PHRF1: variants seen among roughly 807,000 people sequenced by gnomAD.
PHRF1 encodes the protein PHD and RING finger domain-containing protein 1.
PHRF1 carries 53 observed loss-of-function variants against 128.9 expected under a neutral mutation model. The ratio of observed to expected loss-of-function variants is 0.41; its 90% CI spans 0.33 to 0.52. The LOEUF is 0.52. PHRF1 is among the 20% of genes least tolerant of loss of function. PHRF1 has a pLI of 0.21. For missense variants in PHRF1, 2,503 were observed against 2,284.5 expected (o/e 1.10, Z -1.95); for synonymous variants, 1,178 against 980.6 (o/e 1.20, Z -3.76).
intron 4 of PHRF1, among the ~76,000 whole-genome samples, chr11:588,664 C>T (rs1313143790): frequency 1.3e-5 from 2 of 152,114 alleles, no homozygotes; most frequent in Admixed American, 1.3e-4. Flanking sequence ...CAGGCGTGAG[C>T]CACCACGCCC....
intron 2 of PHRF1, 47 bp from the exon 3 acceptor site, chr11:581,915 A>G (rs755187229): frequency 6.5e-7 from 1 of 1,528,760 alleles, no homozygotes; most frequent in Non-Finnish European, 8.8e-7. Flanking sequence ...TCTCTGCTGC[A>G]TGGTCTTGAC....
intron 13 of PHRF1, 128 bp from the exon 14 acceptor site, chr11:606,938 A>G (rs939484209): frequency 8.5e-6 from 12 of 1,414,780 alleles, no homozygotes; most frequent in Non-Finnish European, 1.1e-5. Context: ...CGAGGTGTCC[A>G]CCTCAACAGG....
chr11:601,446 A>AT, intron 9 of PHRF1, 128 bp from the exon 10 acceptor site: 3 of 1,289,358 alleles, frequency 2.3e-6, no homozygotes, highest in Non-Finnish European at 3.2e-6. Context: ...AAAAAAAAAA[A>AT]TTGCAAGCCG....
At position 597,691 on chromosome 11, in the gene PHRF1, A is replaced by C. The variant is rs1208089576; in HGVS notation, c.894+121A>C. 2.3e-6 allele frequency: 3 copies of C among 1,314,732 alleles called. No individual in the cohort carries two copies. Among genetic ancestry groups the C allele is most frequent in the Non-Finnish European group, 3.1e-6 (3 of 968,122 alleles). The allele number at this position is 1,314,732 out of a possible 1,614,324, so 81.4% of individuals were successfully genotyped here. On this transcript the variant is annotated intron_variant, in intron 8 of 17. Coordinates refer to ENST00000264555, the MANE Select transcript of PHRF1 (RefSeq NM_001286581.2). The surrounding 1 kb of genome is among the most constrained non-coding windows in gnomAD (Gnocchi z 6.5). ...GGGGTCCGCCCGGCCCCGGTGGCTC[A>C]TGTTGTTCGGCCTGCTGAGGGGAGC...
At position 605,728 on chromosome 11, in the gene PHRF1, T is replaced by C. The variant is rs375132948; in HGVS notation, c.1454+4T>C. The C allele has an allele frequency of 8.7e-6, 14 of 1,607,164 alleles. No individual in the cohort carries two copies. The highest frequency in any genetic ancestry group is 1.1e-5 in the Non-Finnish European group (13 of 1,178,804). ...CCGTCTCCGTGGGGCTTTCCAGGTGTGTGAGGGCAGAGGCTTCTGGGGAGG... is the reference window on the plus strand; with the variant it reads ...CCGTCTCCGTGGGGCTTTCCAGGTGCGTGAGGGCAGAGGCTTCTGGGGAGG... On this transcript the variant is annotated splice_donor_region_variant and intron_variant, in intron 12 of 17. Transcript: ENST00000264555.
At chr11:577,901 G>GT (rs1564834374) in intron 1 of PHRF1, among the ~76,000 whole-genome samples, 1 of 152,248 alleles carries the variant, frequency 6.6e-6, no homozygotes. Flanking sequence ...AGCCTTTCCA[G>GT]TTTTTTGTTT....
At chr11:605,516 G>A (rs908515273) in intron 11 of PHRF1, 89 bp from the exon 12 acceptor site, 18 of 1,556,436 alleles carry the variant, frequency 1.2e-5, no homozygotes, top group Middle Eastern at 1.7e-4. Flanking sequence ...GCCAGTGCTC[G>A]GCCATCCTCC....
rs926159521 is a variant in PHRF1, at chr11:597,745, C to T, written c.894+175C>T. On this transcript the variant is annotated intron_variant, in intron 8 of 17. Transcript: ENST00000264555. This position sits in a 1 kb window ranked among gnomAD's most constrained non-coding sequence, Gnocchi z 6.5. ...TGAGTGCACCCCAGGGTGACCCCAG[C>T]GGCCCAAGGTGGGGCTGCCTCTGAG... Among the ~76,000 whole-genome samples, 1 of 152,116 alleles carries T rather than the reference C, an allele frequency of 6.6e-6. No homozygotes were observed. Among genetic ancestry groups the T allele is most frequent in the Non-Finnish European group, 1.5e-5 (1 of 68,000 alleles).
intron 10 of PHRF1, among the ~76,000 whole-genome samples, chr11:604,207 A>C (rs1855812935): frequency 6.6e-6 from 1 of 152,194 alleles, no homozygotes. Context: ...CCCTGTGCCC[A>C]GAACACTCCT....
At chr11:581,707 T>G in intron 2 of PHRF1, 101 bp downstream of exon 2, 1 of 1,197,030 alleles carries the variant, frequency 8.4e-7, no homozygotes, top group Admixed American at 3.1e-5. Context: ...CAACTTTCAG[T>G]CTAAAAAAAT....
Position 584,427 on chromosome 11 carries a change from T to C in PHRF1, c.214+2346T>C, listed in dbSNP as rs1349686341. ...GCGCTCACCTTCTAGCAGCAAACAG[T>C]GCGCCAAGCAGCAGCTGGGGGACAG... On this transcript the variant is annotated intron_variant, in intron 3 of 17. Coordinates refer to ENST00000264555, the MANE Select transcript of PHRF1 (RefSeq NM_001286581.2). Among the ~76,000 whole-genome samples, 7 of 152,032 alleles carry C rather than the reference T, an allele frequency of 4.6e-5. No homozygotes were observed. The East Asian group carries it at 7.7e-4, about 17-fold the overall frequency.
intron 5 of PHRF1, among the ~76,000 whole-genome samples, chr11:592,222 T>A (rs57830193): frequency 0.039 from 5,959 of 151,990 alleles, 402 homozygotes; most frequent in African/African-American, 0.14. Flanking sequence ...GCCTTTTTTT[T>A]TTTTTTTTTT....
chr11:590,375 T>G (rs1422096105), intron 4 of PHRF1, among the ~76,000 whole-genome samples: 1 of 152,182 alleles, frequency 6.6e-6, no homozygotes, highest in Non-Finnish European at 1.5e-5. Context: ...GCAGTGTCTC[T>G]TCAGTGCTAG....
Position 601,291 on chromosome 11 carries a change from C to T in PHRF1, c.1025-283C>T, listed in dbSNP as rs1015750594. Among the ~76,000 whole-genome samples, 17 of 149,438 alleles carry T rather than the reference C, an allele frequency of 1.1e-4. No individual in the cohort carries two copies. The East Asian group carries it at 1.4e-3, about 12-fold the overall frequency. ...ATCTATAAAAAAAATTAGCTGGGCA[C>T]GGTGGTGCCTACCTGTAGTTCCAGC... On this transcript the variant is annotated intron_variant, in intron 9 of 17. Transcript: ENST00000264555.
rs372915440 is a variant in PHRF1, at chr11:597,597, C to T, written c.894+27C>T. 240 of 1,586,628 alleles carry T rather than the reference C, an allele frequency of 1.5e-4. No homozygotes were observed. The African/African-American group carries it at 2.6e-3, about 17-fold the overall frequency. On this transcript the variant is annotated intron_variant, in intron 8 of 17. Transcript: ENST00000264555. This position sits in a 1 kb window ranked among gnomAD's most constrained non-coding sequence, Gnocchi z 6.5. ...TGGGTGGCCCAGCCCTGACGCCAGT[C>T]GTAGAACCCCAGCTGCCCAGAGTGA...
chr11:591,518 C>T, intron 5 of PHRF1, 51 bp downstream of exon 5: 1 of 1,441,690 alleles, frequency 6.9e-7, no homozygotes. Context: ...TATCCCGGCC[C>T]TGTGGGACAG....
chr11:595,040 C>T (rs574980600), intron 6 of PHRF1, among the ~76,000 whole-genome samples: 22 of 152,328 alleles, frequency 1.4e-4, no homozygotes, highest in East Asian at 1.3e-3. Context: ...AAAAATCACA[C>T]GTCTAAAATT....
chr11:588,728 T>A (rs907164361), intron 4 of PHRF1, among the ~76,000 whole-genome samples: 2 of 152,106 alleles, frequency 1.3e-5, no homozygotes, highest in Non-Finnish European at 2.9e-5. Context: ...CAAGTGAAGC[T>A]TTCATTTAAA....
In PHRF1 at chr11:601,634, A is replaced by G. The variant is rs1191184728; in HGVS notation, c.1085A>G (p.Lys362Arg). The G allele has an allele frequency of 1.2e-6, 2 of 1,613,818 alleles. No individual in the cohort carries two copies. The highest frequency in any genetic ancestry group is 4.5e-5 in the East Asian group (2 of 44,880). ...KTPSGPSAKS[K>R]SSATRSKKRQ... is the part of the protein sequence containing the mutation. ...CCGTCCGGACCATCCGCAAAAAGTA[A>G]GAGCTCAGCGACAAGATCTAAGAAA... The change falls in exon 10 of 18, where the codon AAG becomes AGG. Residue 362 changes from lysine to arginine, a missense_variant. Lys to Arg is a conservative substitution (Grantham distance 26). Transcript: ENST00000264555.
Sources: allele counts gnomAD v4.1 joint callset (sites outside exome capture counted in the v4.1 genomes callset), GRCh38; gene constraint gnomAD v4.1.1; non-coding constraint Gnocchi (gnomAD v3.1); transcripts MANE v1.5; gene names NCBI Gene and HGNC (gene_info 2026-07-23, HGNC 2026-07-21).